The following LHPP variants were observed in gnomAD, a reference collection of about 807,000 sequenced individuals.
The protein encoded by LHPP is phospholysine phosphohistidine inorganic pyrophosphate phosphatase.
LHPP carries 24 observed loss-of-function variants against 30.3 expected under a neutral mutation model. That is an observed-to-expected ratio of 0.79 (90% CI 0.57 to 1.11). The LOEUF is 1.11. Among genes scored for constraint, LHPP ranks in the 50% most tolerant of loss-of-function variants. LHPP has a pLI of 0.00. For synonymous variants in LHPP, 150 were observed against 157.1 expected (o/e 0.95, Z 0.34); for missense variants, 356 against 367.2 (o/e 0.97, Z 0.25).
Position 124,496,845 on chromosome 10 carries a change from C to A in LHPP, c.468-116C>A. On this transcript the variant is annotated intron_variant, in intron 3 of 6. Transcript: ENST00000368842. This position sits in a 1 kb window ranked among gnomAD's most constrained non-coding sequence, Gnocchi z 4.3. ...GCGTAGCGCCTGGACTGCCCCTCAG[C>A]CGCGGCTTGGCTCTGCAGCCAGCGG... is the stretch of plus-strand genomic sequence containing the variant. 1.1e-6 allele frequency: 1 copy of A among 881,762 alleles called. No individual in the cohort carries two copies. Among genetic ancestry groups the A allele is most frequent in the Non-Finnish European group, 1.8e-6 (1 of 557,254 alleles). 54.6% of individuals were successfully genotyped at this position (881,762 alleles called of 1,614,324 possible).
At chr10:124,565,900 G>A (rs887368805) in intron 6 of LHPP, among the ~76,000 whole-genome samples, 1 of 152,242 alleles carries the variant, frequency 6.6e-6, no homozygotes, top group African/African-American at 2.4e-5. Flanking sequence ...CAGGAGCTAA[G>A]GAGAAATCCA....
rs145231345 is a variant in LHPP at position 124,545,187 on chromosome 10, C to T, written c.716+27916C>T. ...GGGGGCTCCTGTGTGCGGCTCCCTCCAGATGGACAAAAACCAGGTTTGGAT... is the reference window on the plus strand; with the variant it reads ...GGGGGCTCCTGTGTGCGGCTCCCTCTAGATGGACAAAAACCAGGTTTGGAT... On this transcript the variant is annotated intron_variant, in intron 6 of 6. Coordinates refer to ENST00000368842, the MANE Select transcript of LHPP (RefSeq NM_022126.4). Among the ~76,000 whole-genome samples, 318 of 152,308 alleles carry T rather than the reference C, an allele frequency of 2.1e-3. 2 individuals are homozygous for T. The highest frequency in any genetic ancestry group is 7.2e-3 in the African/African-American group (301 of 41,562).
chr10:124,511,261 A>T (rs978714424), intron 5 of LHPP, among the ~76,000 whole-genome samples: 1 of 152,230 alleles, frequency 6.6e-6, no homozygotes, highest in Non-Finnish European at 1.5e-5. Context: ...ATAAATGGAA[A>T]ACCAGAATCT....
chr10:124,564,770 A>G (rs960962999), intron 6 of LHPP, among the ~76,000 whole-genome samples: 3 of 152,216 alleles, frequency 2.0e-5, no homozygotes, highest in Admixed American at 6.5e-5. Context: ...TTTTCCTCCT[A>G]TCTCTAAGTC....
At chr10:124,475,677 G>A (rs1490739837) in intron 1 of LHPP, among the ~76,000 whole-genome samples, 1 of 152,204 alleles carries the variant, frequency 6.6e-6, no homozygotes, top group African/African-American at 2.4e-5. Flanking sequence ...GTCATACAGG[G>A]AGGAGGTGTG....
At chr10:124,506,021 G>A (rs1361520581) in intron 5 of LHPP, among the ~76,000 whole-genome samples, 1 of 152,106 alleles carries the variant, frequency 6.6e-6, no homozygotes, top group Non-Finnish European at 1.5e-5. Flanking sequence ...CGAGGTGGGT[G>A]GATCACGAGC....
intron 6 of LHPP, among the ~76,000 whole-genome samples, chr10:124,560,681 A>T (rs1341328480): frequency 6.6e-6 from 1 of 152,104 alleles, no homozygotes; most frequent in Non-Finnish European, 1.5e-5. Flanking sequence ...CTAGCCGGGG[A>T]CGAGGGGCTG....
chr10:124,607,576 C>T (rs1225058563), intron 6 of LHPP, among the ~76,000 whole-genome samples: 1 of 152,198 alleles, frequency 6.6e-6, no homozygotes, highest in African/African-American at 2.4e-5. Flanking sequence ...GCGTCATCTT[C>T]TATGGGGAGA....
At chr10:124,482,190 G>A (rs1953160322) in intron 1 of LHPP, among the ~76,000 whole-genome samples, 1 of 152,210 alleles carries the variant, frequency 6.6e-6, no homozygotes, top group African/African-American at 2.4e-5. Flanking sequence ...GGTTGAATCT[G>A]CGTGTATTCA....
rs1306266945 is a variant in LHPP, at chr10:124,517,083, T to C, written c.625-97T>C. On this transcript the variant is annotated intron_variant, in intron 5 of 6. Coordinates refer to ENST00000368842, the MANE Select transcript of LHPP (RefSeq NM_022126.4). This position sits in a 1 kb window ranked among gnomAD's most constrained non-coding sequence, Gnocchi z 4.1. ...ATTTGTATGATGGTGGTTGTAAACA[T>C]CAAATCAAGCCATTTATTATGTCAA... 1 of 731,046 alleles carries C rather than the reference T, an allele frequency of 1.4e-6. No individual in the cohort carries two copies. Among genetic ancestry groups the C allele is most frequent in the Non-Finnish European group, 2.2e-6 (1 of 452,092 alleles). The allele number at this position is 731,046 out of a possible 1,614,324, so 45.3% of individuals were successfully genotyped here.
intron 1 of LHPP, among the ~76,000 whole-genome samples, chr10:124,470,957 C>T (rs2133818569): frequency 6.6e-6 from 1 of 152,248 alleles, no homozygotes; most frequent in East Asian, 1.9e-4. Context: ...AGCCGGTGCT[C>T]TTTCACCCTG....
rs895672302 is a variant in LHPP, at chr10:124,510,768, C to T, written c.625-6412C>T. Among the ~76,000 whole-genome samples, 3 of 152,270 alleles carry T rather than the reference C, an allele frequency of 2.0e-5. No individual in the cohort carries two copies. Among genetic ancestry groups the T allele is most frequent in the Admixed American group, 1.3e-4 (2 of 15,294 alleles). ...AGGATGGCCCTGGAGTCTCTGGCAG[C>T]AGTGGACATGGTCCTGAATTGGAGT... On this transcript the variant is annotated intron_variant, in intron 5 of 6. Transcript: ENST00000368842. This position sits in a 1 kb window ranked among gnomAD's most constrained non-coding sequence, Gnocchi z 4.0.
intron 5 of LHPP, among the ~76,000 whole-genome samples, chr10:124,513,462 C>CT (rs34225779): frequency 0.78 from 71,041 of 91,552 alleles, 31,277 homozygotes; most frequent in Non-Finnish European, 0.85. Flanking sequence ...ATTATTATTA[C>CT]TTTTTTTTTT....
intron 1 of LHPP, among the ~76,000 whole-genome samples, chr10:124,476,401 G>A (rs1952945617): frequency 6.6e-6 from 1 of 152,240 alleles, no homozygotes; most frequent in South Asian, 2.1e-4. Context: ...GGGGCCCGTG[G>A]CATCTCTGCT....
intron 6 of LHPP, among the ~76,000 whole-genome samples, chr10:124,602,152 C>T (rs1949031457): frequency 6.6e-6 from 1 of 152,336 alleles, no homozygotes; most frequent in South Asian, 2.1e-4. Flanking sequence ...GGAGGATCTG[C>T]TGACGTGAGC....
At chr10:124,529,313 G>T (rs1185226227) in intron 6 of LHPP, among the ~76,000 whole-genome samples, 1 of 119,454 alleles carries the variant, frequency 8.4e-6, no homozygotes, top group African/African-American at 3.6e-5. Flanking sequence ...GGGATTACAG[G>T]TGTTGGGGGA....
At chr10:124,508,416 C>G (rs752153754) in intron 5 of LHPP, among the ~76,000 whole-genome samples, 36 of 151,938 alleles carry the variant, frequency 2.4e-4, no homozygotes, top group Admixed American at 6.5e-4. Context: ...GAATTGGAAA[C>G]TCTGTCCACC....
chr10:124,609,108 A>T (rs1319309447), intron 6 of LHPP, among the ~76,000 whole-genome samples: 1 of 152,164 alleles, frequency 6.6e-6, no homozygotes, highest in Non-Finnish European at 1.5e-5. Context: ...AATCGTTACC[A>T]CTTCAGGCTC....
At chr10:124,556,345 G>A (rs922253380) in intron 6 of LHPP, among the ~76,000 whole-genome samples, 14 of 152,298 alleles carry the variant, frequency 9.2e-5, no homozygotes, top group Middle Eastern at 3.4e-3. Context: ...CCAAACCACC[G>A]TGCATTCTCC....
Sources: gnomAD v4.1 joint callset for allele counts (sites outside exome capture counted in the v4.1 genomes callset) on GRCh38, gnomAD v4.1.1 for gene constraint, Gnocchi (gnomAD v3.1) non-coding constraint, MANE v1.5 for transcripts, NCBI Gene and HGNC (gene_info 2026-07-23, HGNC 2026-07-21) for gene names.